GALNTL6: variants seen among roughly 807,000 people sequenced by gnomAD.
GALNTL6 encodes polypeptide N-acetylgalactosaminyltransferase like 6.
A neutral mutation model predicts 73.7 loss-of-function variants in GALNTL6; 46 were observed. That is an observed-to-expected ratio of 0.62 (90% confidence interval 0.49 to 0.80). The LOEUF (loss-of-function observed/expected upper bound fraction) is 0.80. GALNTL6 is among the 30% of genes least tolerant of loss of function. The pLI, the probability that GALNTL6 is intolerant of heterozygous loss-of-function variation, is 0.00. For synonymous variants in GALNTL6, 259 were observed against 263.7 expected (o/e 0.98, Z 0.17); for missense variants, 604 against 755.0 (o/e 0.80, Z 2.34).
intron 9 of GALNTL6, among the ~76,000 whole-genome samples, chr4:172,943,273 T>C (rs184274330): frequency 5.1e-4 from 78 of 152,106 alleles, no homozygotes; most frequent in African/African-American, 1.5e-3. Flanking sequence ...TCAGCACTCA[T>C]AGCAAGCACC....
At chr4:172,612,788 CA>C (rs1738578297) in intron 5 of GALNTL6, among the ~76,000 whole-genome samples, 1 of 152,064 alleles carries the variant, frequency 6.6e-6, no homozygotes, top group African/African-American at 2.4e-5. Context: ...TAAACAAATG[CA>C]AAAGAGAATT....
intron 2 of GALNTL6, among the ~76,000 whole-genome samples, chr4:172,110,707 AG>A (rs1305844013): frequency 6.6e-6 from 1 of 152,160 alleles, no homozygotes; most frequent in Non-Finnish European, 1.5e-5. Context: ...ATATGATCAA[AG>A]GAATCAGACA....
chr4:172,594,487 G>A (rs932199917), intron 5 of GALNTL6, among the ~76,000 whole-genome samples: 6 of 151,986 alleles, frequency 3.9e-5, no homozygotes, highest in African/African-American at 1.5e-4. Context: ...CATAAAGTAT[G>A]GAAAATTCAG....
At chr4:172,816,526 A>G (rs1478045245) in intron 7 of GALNTL6, among the ~76,000 whole-genome samples, 4 of 152,210 alleles carry the variant, frequency 2.6e-5, no homozygotes, top group Admixed American at 6.5e-5. Flanking sequence ...TTTCAGTTAT[A>G]AGGCATATAT....
chr4:172,671,295 T>C (rs1731966413), intron 5 of GALNTL6, among the ~76,000 whole-genome samples: 1 of 152,226 alleles, frequency 6.6e-6, no homozygotes, highest in Non-Finnish European at 1.5e-5. Flanking sequence ...TGGAATGTTT[T>C]TCCATTTGTT....
At chr4:172,537,615 T>G (rs894672450) in intron 5 of GALNTL6, among the ~76,000 whole-genome samples, 7 of 152,230 alleles carry the variant, frequency 4.6e-5, no homozygotes, top group Non-Finnish European at 8.8e-5. Context: ...GAGAACAGAC[T>G]AATACAATTA....
chr4:172,982,582 T>C (rs1456491695), intron 10 of GALNTL6, among the ~76,000 whole-genome samples: 2 of 152,200 alleles, frequency 1.3e-5, no homozygotes, highest in Non-Finnish European at 2.9e-5. Context: ...TCACAAGCTC[T>C]TGAGGCCCCA....
intron 10 of GALNTL6, among the ~76,000 whole-genome samples, chr4:172,986,439 T>C (rs1751292237): frequency 6.6e-6 from 1 of 152,200 alleles, no homozygotes; most frequent in Non-Finnish European, 1.5e-5. Flanking sequence ...GTAGAATTGA[T>C]TTGAAACCCT....
At chr4:172,034,399 C>CGTGT (rs1209195765) in intron 2 of GALNTL6, among the ~76,000 whole-genome samples, 45 of 33,424 alleles carry the variant, frequency 1.3e-3, no homozygotes, top group African/African-American at 3.1e-3. Flanking sequence ...AGCGTGCGTG[C>CGTGT]GTGTGTGTGT....
intron 5 of GALNTL6, among the ~76,000 whole-genome samples, chr4:172,428,471 C>T (rs1731307643): frequency 1.3e-5 from 2 of 152,204 alleles, no homozygotes; most frequent in African/African-American, 2.4e-5. Context: ...TTATTAGAGA[C>T]TCTCTAACAA....
chr4:172,771,941 A>G (rs1472449484), intron 5 of GALNTL6, among the ~76,000 whole-genome samples: 1 of 152,162 alleles, frequency 6.6e-6, no homozygotes, highest in African/African-American at 2.4e-5. Context: ...TGCTGCTGAT[A>G]AAGACATACC....
At chr4:172,735,096 A>G (rs184569852) in intron 5 of GALNTL6, among the ~76,000 whole-genome samples, 170 of 152,236 alleles carry the variant, frequency 1.1e-3, no homozygotes, top group African/African-American at 3.9e-3. Context: ...TAGCGGAGCT[A>G]TGAGAAGAAG....
intron 7 of GALNTL6, among the ~76,000 whole-genome samples, chr4:172,866,219 G>A (rs897983691): frequency 1.2e-4 from 18 of 152,124 alleles, no homozygotes; most frequent in African/African-American, 4.3e-4. Context: ...ATCTGATTAT[G>A]CCATTTCCAG....
intron 2 of GALNTL6, among the ~76,000 whole-genome samples, chr4:171,862,858 T>G (rs1735871258): frequency 6.6e-6 from 1 of 152,076 alleles, no homozygotes; most frequent in Non-Finnish European, 1.5e-5. Flanking sequence ...ATTATCTGAG[T>G]TTTTCTCAGG....
intron 2 of GALNTL6, among the ~76,000 whole-genome samples, chr4:171,995,326 C>G (rs1480613520): frequency 1.3e-5 from 2 of 151,848 alleles, no homozygotes; most frequent in African/African-American, 4.8e-5. Flanking sequence ...TATTTGTTTC[C>G]ATCCATCTCC....
At chr4:172,263,359 A>C (rs1738321289) in intron 3 of GALNTL6, among the ~76,000 whole-genome samples, 1 of 151,376 alleles carries the variant, frequency 6.6e-6, no homozygotes. Flanking sequence ...TTGATTTGAA[A>C]GCCTTGTTTC....
At chr4:172,429,363 C>T (rs1011497328) in intron 5 of GALNTL6, among the ~76,000 whole-genome samples, 1 of 151,912 alleles carries the variant, frequency 6.6e-6, no homozygotes, top group African/African-American at 2.4e-5. Flanking sequence ...AGGCGTGCAC[C>T]ACTACGCCTG....
At chr4:172,562,750 C>T (rs536073238) in intron 5 of GALNTL6, among the ~76,000 whole-genome samples, 6 of 152,324 alleles carry the variant, frequency 3.9e-5, no homozygotes, top group African/African-American at 1.4e-4. Flanking sequence ...ATCTTCATTT[C>T]TCTTCAGCTA....
intron 5 of GALNTL6, among the ~76,000 whole-genome samples, chr4:172,793,807 A>T (rs1740121246): frequency 6.6e-6 from 1 of 152,156 alleles, no homozygotes; most frequent in East Asian, 1.9e-4. Flanking sequence ...TAGACATATG[A>T]TTTATTGCCT....
Sources: allele counts gnomAD v4.1 joint callset (sites outside exome capture counted in the v4.1 genomes callset), GRCh38; gene constraint gnomAD v4.1.1; transcripts MANE v1.5; gene names NCBI Gene and HGNC (gene_info 2026-07-23, HGNC 2026-07-21).